CAST: variants seen among roughly 807,000 people sequenced by gnomAD.
CAST encodes MIR583 host.
A neutral mutation model predicts 119.6 loss-of-function variants in CAST; 76 were observed. That is an observed-to-expected ratio of 0.64 (90% confidence interval 0.53 to 0.77). The LOEUF is 0.77. CAST is among the 30% of genes least tolerant of loss of function. The pLI is 0.00. For missense variants in CAST, 953 were observed against 946.5 expected (o/e 1.01, Z -0.09); for synonymous variants, 319 against 331.6 (o/e 0.96, Z 0.41).
At chr5:96,126,810 T>C in the CAST span, among the ~76,000 whole-genome samples, 1 of 152,148 alleles carries the variant, frequency 6.6e-6, no homozygotes, top group Admixed American at 6.6e-5. Flanking sequence ...TTTTCCTTTT[T>C]AGGTGAGAAA....
At chr5:96,634,104 T>C (rs1317925630) in intron 1 of CAST, among the ~76,000 whole-genome samples, 1 of 152,236 alleles carries the variant, frequency 6.6e-6, no homozygotes, top group African/African-American at 2.4e-5. Flanking sequence ...CTATTGTGGT[T>C]GTGCTGACTG....
the CAST span, among the ~76,000 whole-genome samples, chr5:96,051,488 A>C: frequency 6.6e-6 from 1 of 152,302 alleles, no homozygotes; most frequent in Non-Finnish European, 1.5e-5. Context: ...GGTAACTGCC[A>C]GGATAGTTCT....
At chr5:96,139,503 TAC>T in the CAST span, among the ~76,000 whole-genome samples, 15 of 143,802 alleles carry the variant, frequency 1.0e-4, no homozygotes, top group African/African-American at 1.6e-4. Context: ...CATATATATA[TAC>T]ACATATATAT....
the CAST span, among the ~76,000 whole-genome samples, chr5:96,506,459 C>A: frequency 6.6e-6 from 1 of 152,160 alleles, no homozygotes; most frequent in Non-Finnish European, 1.5e-5. Flanking sequence ...CACCAACCCC[C>A]TTTCTGTTTC....
the CAST span, among the ~76,000 whole-genome samples, chr5:96,163,268 T>C: frequency 8.6e-4 from 131 of 152,316 alleles, 2 homozygotes; most frequent in East Asian, 0.023. Flanking sequence ...ATAATTTGCA[T>C]GTTCTTTCTT....
intron 2 of CAST, among the ~76,000 whole-genome samples, chr5:96,682,246 C>A (rs1231090276): frequency 6.6e-6 from 1 of 152,170 alleles, no homozygotes; most frequent in Non-Finnish European, 1.5e-5. Flanking sequence ...TCACAATTTT[C>A]TTTTGCTGAC....
chr5:96,374,950 G>C, the CAST span, among the ~76,000 whole-genome samples: 33 of 152,196 alleles, frequency 2.2e-4, no homozygotes, highest in Non-Finnish European at 4.0e-4. Flanking sequence ...ACAGGTAGAA[G>C]ATGGGCATTG....
chr5:96,086,814 C>G, the CAST span, among the ~76,000 whole-genome samples: 4 of 152,190 alleles, frequency 2.6e-5, no homozygotes, highest in Admixed American at 2.6e-4. Flanking sequence ...CCCTACCCTT[C>G]TAATCTGCCT....
chr5:96,671,438 G>T (rs2150237756), intron 1 of CAST, among the ~76,000 whole-genome samples: 2 of 152,252 alleles, frequency 1.3e-5, no homozygotes, highest in Admixed American at 1.3e-4. Flanking sequence ...AGACTTTCTT[G>T]ATGAAAATCC....
upstream of CAST, among the ~76,000 whole-genome samples, chr5:96,523,545 C>T (rs951194510): frequency 6.6e-6 from 1 of 152,304 alleles, no homozygotes; most frequent in Admixed American, 6.5e-5. Context: ...CCGGGAGGCT[C>T]CTCAGCCACT....
At chr5:96,209,444 G>T in the CAST span, among the ~76,000 whole-genome samples, 1 of 151,832 alleles carries the variant, frequency 6.6e-6, no homozygotes, top group Admixed American at 6.6e-5. Context: ...TGTTTTTTTA[G>T]TGGCCAGTAA....
At chr5:96,618,019 G>A (rs1167896839) in intron 1 of CAST, among the ~76,000 whole-genome samples, 1 of 152,050 alleles carries the variant, frequency 6.6e-6, no homozygotes, top group East Asian at 1.9e-4. Flanking sequence ...CTCCACACAG[G>A]ACAAGGATCT....
intron 20 of CAST, among the ~76,000 whole-genome samples, chr5:96,751,211 GT>G (rs35451901): frequency 6.6e-6 from 1 of 151,734 alleles, no homozygotes; most frequent in Non-Finnish European, 1.5e-5. Context: ...TGATTTTAGT[GT>G]TTTTTTTCCA....
chr5:96,492,881 C>T, the CAST span, among the ~76,000 whole-genome samples: 3 of 152,182 alleles, frequency 2.0e-5, no homozygotes, highest in South Asian at 4.1e-4. Flanking sequence ...ATGCCCCAAG[C>T]GTTTCAGTGA....
At chr5:95,988,256 C>T in the CAST span, among the ~76,000 whole-genome samples, 1 of 152,174 alleles carries the variant, frequency 6.6e-6, no homozygotes, top group Non-Finnish European at 1.5e-5. Context: ...TCCCTTCCCT[C>T]CCACCAGTTC....
At chr5:96,177,151 A>G in the CAST span, among the ~76,000 whole-genome samples, 1,913 of 152,262 alleles carry the variant, frequency 0.013, 22 homozygotes, top group Non-Finnish European at 0.021. Flanking sequence ...TAAAAAATCT[A>G]CTCTGCACTT....
the CAST span, among the ~76,000 whole-genome samples, chr5:96,272,586 G>A: frequency 5.8e-4 from 88 of 152,228 alleles, no homozygotes; most frequent in Non-Finnish European, 1.0e-3. Context: ...TAATGGTTAT[G>A]AGAGGCCAAA....
chr5:96,682,576 C>T lies in CAST; in HGVS notation c.138+6975C>T, dbSNP rs560247052. ...TTTCAGTCTTCGGGGTAATGATGCCCTCTGCCTTTCTCTGTGGTGGTTTTG... is the reference window on the plus strand; with the variant it reads ...TTTCAGTCTTCGGGGTAATGATGCCTTCTGCCTTTCTCTGTGGTGGTTTTG... On this transcript the variant is annotated intron_variant, in intron 2 of 31. Transcript: ENST00000675179. Among the ~76,000 whole-genome samples the T allele has an allele frequency of 3.9e-5, 6 of 152,046 alleles. No individual in the cohort carries two copies. The South Asian group carries it at 1.3e-3, about 32-fold the overall frequency.
chr5:96,657,054 AAAAC>A, intron 1 of CAST, among the ~76,000 whole-genome samples: 1 of 152,172 alleles, frequency 6.6e-6, no homozygotes, highest in East Asian at 1.9e-4. Flanking sequence ...AACAAAAATG[AAAAC>A]AAACCTGACA....
Sources: allele counts gnomAD v4.1 joint callset (sites outside exome capture counted in the v4.1 genomes callset), GRCh38; gene constraint gnomAD v4.1.1; transcripts MANE v1.5; gene names NCBI Gene and HGNC (gene_info 2026-07-23, HGNC 2026-07-21).